Variants in ILRUN observed in about 807,000 individuals in gnomAD.
The protein encoded by ILRUN is protein ILRUN.
In ILRUN, 3 loss-of-function variants were observed where a neutral mutation model predicts 33.8. The ratio of observed to expected loss-of-function variants is 0.09; its 90% CI spans 0.04 to 0.23. The LOEUF is 0.23. ILRUN is among the 10% of genes least tolerant of loss of function. The probability of loss-of-function intolerance (pLI) is 1.00; values close to 1 mark genes in which losing one functional copy is unlikely to be tolerated. For missense variants in ILRUN, 210 were observed against 375.1 expected (o/e 0.56, Z 3.64); for synonymous variants, 124 against 138.9 (o/e 0.89, Z 0.75).
intron 1 of ILRUN, among the ~76,000 whole-genome samples, chr6:34,660,591 G>A (rs183447833): frequency 4.5e-4 from 68 of 151,938 alleles, no homozygotes; most frequent in African/African-American, 1.5e-3. Flanking sequence ...CCTGGGATAC[G>A]CCAATAATAT....
chr6:34,682,264 T>TTG (rs1554189559), intron 1 of ILRUN, among the ~76,000 whole-genome samples: 5 of 137,800 alleles, frequency 3.6e-5, no homozygotes, highest in African/African-American at 8.4e-5. Flanking sequence ...TTTTTTTTTT[T>TTG]TTTTTTTTTT....
chr6:34,612,223 AT>A (rs752575106), intron 3 of ILRUN, among the ~76,000 whole-genome samples: 3 of 84,730 alleles, frequency 3.5e-5, no homozygotes, highest in African/African-American at 9.1e-5. Flanking sequence ...CGACCAGCCT[AT>A]GGCAACACCA....
chr6:34,636,435 A>T (rs1161530377), intron 3 of ILRUN, among the ~76,000 whole-genome samples: 1 of 152,126 alleles, frequency 6.6e-6, no homozygotes, highest in African/African-American at 2.4e-5. Flanking sequence ...AAATTACAGA[A>T]CTAATTTCTA....
Position 34,636,259 on chromosome 6 carries a change from T to C in ILRUN, c.511+10342A>G, listed in dbSNP as rs1177402383. Among the ~76,000 whole-genome samples the C allele has an allele frequency of 2.0e-5, 3 of 151,742 alleles. No individual in the cohort carries two copies. The East Asian group carries it at 5.8e-4, about 29-fold the overall frequency. On this transcript the variant is annotated intron_variant, in intron 3 of 4. Coordinates refer to ENST00000374023, the MANE Select transcript of ILRUN (RefSeq NM_024294.4). ...GACACTCTATATCAAAATAAATAAATAAATTAAATTAAATTAAAATCCAGA... is the reference window on the plus strand; with the variant it reads ...GACACTCTATATCAAAATAAATAAACAAATTAAATTAAATTAAAATCCAGA...
In ILRUN at chr6:34,682,021, C is replaced by CTTTTTTTT. The variant is rs1377020252; in HGVS notation, c.158+14424_158+14425insAAAAAAAA. 2.9e-3 allele frequency among the ~76,000 whole-genome samples: 381 copies of CTTTTTTTT among 129,996 alleles called. 10 individuals carry two copies. Among genetic ancestry groups the CTTTTTTTT allele is most frequent in the East Asian group, 0.016 (71 of 4,436 alleles). The allele number at this position is 129,996 out of a possible 152,430, so 85.3% of individuals were successfully genotyped here. On this transcript the variant is annotated intron_variant, in intron 1 of 4. Coordinates refer to ENST00000374023, the MANE Select transcript of ILRUN (RefSeq NM_024294.4). ...TGCATGCCACCACACCCCACTAATT[C>CTTTTTTTT]TTATATTTTTATTTTTTTACTTTTT...
At position 34,590,420 on chromosome 6, in the gene ILRUN, GCTT is replaced by G; in HGVS notation, c.*142_*144del. 1 of 1,175,702 alleles carries G rather than the reference GCTT, an allele frequency of 8.5e-7. No individual in the cohort carries two copies. The highest frequency in any genetic ancestry group is 2.6e-5 in the East Asian group (1 of 38,126). The allele number at this position is 1,175,702 out of a possible 1,614,324, so 72.8% of individuals were successfully genotyped here. A position where few individuals can be genotyped will look rare whatever the true frequency, so the allele number is the denominator to read the frequency against. ...AGTTTACTCAAAACTAGTCTGTTCT[GCTT>G]CTTCCTCTTCTTCCGGGATGAGAGG... On this transcript the variant is annotated 3_prime_UTR_variant, in exon 5 of 5. Transcript: ENST00000374023.
chr6:34,691,598 C>T (rs972716997), intron 1 of ILRUN, among the ~76,000 whole-genome samples: 1 of 152,108 alleles, frequency 6.6e-6, no homozygotes, highest in Non-Finnish European at 1.5e-5. Context: ...GGTTCGAGAC[C>T]AGCCTGGACA....
At chr6:34,682,267 T>G (rs1435969204) in intron 1 of ILRUN, among the ~76,000 whole-genome samples, 1 of 139,720 alleles carries the variant, frequency 7.2e-6, no homozygotes, top group Admixed American at 7.1e-5. Context: ...TTTTTTTTTT[T>G]TTTTTTTTTT....
At chr6:34,616,080 A>C (rs1057108259) in intron 3 of ILRUN, among the ~76,000 whole-genome samples, 1 of 152,190 alleles carries the variant, frequency 6.6e-6, no homozygotes, top group African/African-American at 2.4e-5. Flanking sequence ...CACTTCAAAA[A>C]TCTAACGTAC....
At chr6:34,651,657 C>G (rs1190767892) in intron 2 of ILRUN, among the ~76,000 whole-genome samples, 1 of 150,076 alleles carries the variant, frequency 6.7e-6, no homozygotes, top group Non-Finnish European at 1.5e-5. Flanking sequence ...ATTAAGTAAA[C>G]AAGGTACTGA....
At chr6:34,641,422 A>G (rs1225000249) in intron 3 of ILRUN, among the ~76,000 whole-genome samples, 4 of 152,256 alleles carry the variant, frequency 2.6e-5, no homozygotes, top group Non-Finnish European at 5.9e-5. Context: ...AATGAAATAC[A>G]GTACTTTATA....
Position 34,594,498 on chromosome 6 carries a change from A to C in ILRUN, c.862-3898T>G, listed in dbSNP as rs76935105. Among the ~76,000 whole-genome samples the C allele has an allele frequency of 7.3e-3, 1,116 of 152,302 alleles. 21 individuals are homozygous for C. The highest frequency in any genetic ancestry group is 0.026 in the African/African-American group (1,061 of 41,558). On this transcript the variant is annotated intron_variant, in intron 4 of 4. Coordinates refer to ENST00000374023, the MANE Select transcript of ILRUN (RefSeq NM_024294.4). ...GTTGCCCAGGGCATACACCACTTAC[A>C]CAGAAATGGGTTTCCAAAGGCTACA...
At chr6:34,610,079 T>A (rs913859430) in intron 3 of ILRUN, among the ~76,000 whole-genome samples, 13 of 150,402 alleles carry the variant, frequency 8.6e-5, no homozygotes, top group African/African-American at 3.2e-4. Context: ...GAGAATGGCA[T>A]GAACCCGGGA....
At chr6:34,676,457 T>G (rs575817111) in intron 1 of ILRUN, among the ~76,000 whole-genome samples, 4 of 147,258 alleles carry the variant, frequency 2.7e-5, no homozygotes, top group Admixed American at 2.7e-4. Context: ...TAGATAGATA[T>G]AGCTAGCTAG....
chr6:34,658,059 G>C (rs1009975778), intron 1 of ILRUN, among the ~76,000 whole-genome samples: 1 of 152,164 alleles, frequency 6.6e-6, no homozygotes, highest in Non-Finnish European at 1.5e-5. Context: ...GATTAAGATG[G>C]ATGCTGGTGC....
At chr6:34,694,387 T>C (rs1018396815) in intron 1 of ILRUN, among the ~76,000 whole-genome samples, 2 of 152,146 alleles carry the variant, frequency 1.3e-5, no homozygotes, top group Non-Finnish European at 2.9e-5. Flanking sequence ...TTTCCTATGC[T>C]GAACTAGTGT....
intron 3 of ILRUN, among the ~76,000 whole-genome samples, chr6:34,641,421 CA>C (rs1269764724): frequency 6.6e-6 from 1 of 152,064 alleles, no homozygotes; most frequent in Non-Finnish European, 1.5e-5. Flanking sequence ...CAATGAAATA[CA>C]GTACTTTATA....
chr6:34,618,546 CTACAAAAGATGCTTCCCTCCTCCT>C (rs1430522458), intron 3 of ILRUN, among the ~76,000 whole-genome samples: 1 of 152,200 alleles, frequency 6.6e-6, no homozygotes, highest in African/African-American at 2.4e-5. Flanking sequence ...AACCCAAGCC[CTACAAAAGATGCTTCCCTCCTCCT>C]TCCTGTTCCA....
chr6:34,595,756 A>C, intron 4 of ILRUN: 1 of 985,400 alleles, frequency 1.0e-6, no homozygotes, highest in Non-Finnish European at 1.2e-6. Flanking sequence ...GATTTAAATA[A>C]ATAAGAAGGT....
Sources: allele counts gnomAD v4.1 joint callset (sites outside exome capture counted in the v4.1 genomes callset), GRCh38; gene constraint gnomAD v4.1.1; transcripts MANE v1.5; gene names NCBI Gene and HGNC (gene_info 2026-07-23, HGNC 2026-07-21).